Variants in ADAMTSL1 observed in about 807,000 individuals in gnomAD.
ADAMTSL1 encodes the protein ADAMTS-like protein 1.
In ADAMTSL1, 126 loss-of-function variants were observed where a neutral mutation model predicts 201.8. That is an observed-to-expected ratio of 0.62 (90% CI 0.54 to 0.72). The LOEUF (loss-of-function observed/expected upper bound fraction) is 0.72, where lower values mean the gene tolerates loss of function less well. Ranked by LOEUF, ADAMTSL1 falls within the 30% of genes least tolerant of loss-of-function variation. ADAMTSL1 has a pLI of 0.00. For missense variants in ADAMTSL1, 2,679 were observed against 2,277.8 expected (o/e 1.18, Z -3.59); for synonymous variants, 1,121 against 903.4 (o/e 1.24, Z -4.32).
chr9:18,542,382 T>G (rs907192891), intron 3 of ADAMTSL1, among the ~76,000 whole-genome samples: 1 of 152,190 alleles, frequency 6.6e-6, no homozygotes, highest in Non-Finnish European at 1.5e-5. Flanking sequence ...TTACCTGTTA[T>G]GTTTTGAATT....
chr9:18,509,137 T>A (rs1413746643), intron 2 of ADAMTSL1, among the ~76,000 whole-genome samples: 5 of 110,478 alleles, frequency 4.5e-5, no homozygotes, highest in Non-Finnish European at 8.4e-5. Flanking sequence ...TGAGCCGAGA[T>A]TGCGCCACTG....
chr9:18,368,203 C>T (rs975368555), intron 2 of ADAMTSL1, among the ~76,000 whole-genome samples: 1 of 152,188 alleles, frequency 6.6e-6, no homozygotes, highest in Non-Finnish European at 1.5e-5. Context: ...GCGTGAGCCA[C>T]CGCGCCTGGC....
At chr9:18,037,546 T>A (rs939437341) in intron 1 of ADAMTSL1, among the ~76,000 whole-genome samples, 2 of 152,192 alleles carry the variant, frequency 1.3e-5, no homozygotes, top group Admixed American at 1.3e-4. Flanking sequence ...TGTTAATGAT[T>A]GTCAAAGTAT....
intron 4 of ADAMTSL1, among the ~76,000 whole-genome samples, chr9:18,578,902 C>G (rs1283918452): frequency 8.6e-5 from 13 of 150,918 alleles, no homozygotes; most frequent in Admixed American, 8.6e-4. Flanking sequence ...TGTTTCCTGA[C>G]TTTTTAATGA....
At chr9:18,866,210 T>A (rs1827533609) in intron 23 of ADAMTSL1, among the ~76,000 whole-genome samples, 1 of 150,880 alleles carries the variant, frequency 6.6e-6, no homozygotes, top group South Asian at 2.1e-4. Flanking sequence ...GTTTTCTCAT[T>A]AGCAGTGAAA....
intron 3 of ADAMTSL1, among the ~76,000 whole-genome samples, chr9:18,562,056 CT>C (rs1564050220): frequency 6.6e-6 from 1 of 152,128 alleles, no homozygotes; most frequent in East Asian, 1.9e-4. Flanking sequence ...GAATCTGATC[CT>C]GTCATTATGA....
At chr9:18,844,020 C>T (rs1169023189) in intron 23 of ADAMTSL1, among the ~76,000 whole-genome samples, 4 of 152,232 alleles carry the variant, frequency 2.6e-5, no homozygotes, top group Admixed American at 2.6e-4. Flanking sequence ...CGTCTGAAGA[C>T]TTCTTCTCTC....
At chr9:18,320,348 A>C (rs1458373769) in intron 2 of ADAMTSL1, among the ~76,000 whole-genome samples, 2 of 152,244 alleles carry the variant, frequency 1.3e-5, no homozygotes, top group Non-Finnish European at 2.9e-5. Flanking sequence ...ATGCTGAAGA[A>C]AATGCATCAA....
chr9:18,055,192 C>CT (rs1177847578), intron 1 of ADAMTSL1, among the ~76,000 whole-genome samples: 1 of 152,170 alleles, frequency 6.6e-6, no homozygotes, highest in Non-Finnish European at 1.5e-5. Context: ...TAACAGTGCT[C>CT]TTTTTTAGCA....
chr9:18,670,996 A>G (rs913316689), intron 9 of ADAMTSL1, among the ~76,000 whole-genome samples: 3 of 152,136 alleles, frequency 2.0e-5, no homozygotes, highest in Non-Finnish European at 2.9e-5. Context: ...GATTATGTAT[A>G]ATACCTTATA....
intron 1 of ADAMTSL1, among the ~76,000 whole-genome samples, chr9:17,955,771 T>G (rs1309076265): frequency 6.6e-6 from 1 of 152,218 alleles, no homozygotes; most frequent in Non-Finnish European, 1.5e-5. Flanking sequence ...TTACTGTATC[T>G]AATTTATAAA....
chr9:18,635,900 G>A (rs763353958), intron 5 of ADAMTSL1, 43 bp from the exon 6 acceptor site: 4 of 1,542,134 alleles, frequency 2.6e-6, no homozygotes, highest in Non-Finnish European at 3.5e-6. Flanking sequence ...ATAATTTTGT[G>A]TCAAGTGACA....
intron 20 of ADAMTSL1, among the ~76,000 whole-genome samples, chr9:18,800,377 CAAAAAAAAAAAAAAAA>C (rs58346548): frequency 1.2e-4 from 7 of 60,674 alleles, no homozygotes; most frequent in South Asian, 8.2e-4. Flanking sequence ...AACTCCATCT[CAAAAAAAAAAAAAAAA>C]AAAAAAAAAA....
chr9:18,333,195 C>A (rs1347633436), intron 2 of ADAMTSL1, among the ~76,000 whole-genome samples: 1 of 152,104 alleles, frequency 6.6e-6, no homozygotes, highest in African/African-American at 2.4e-5. Flanking sequence ...TATGGTTTGG[C>A]TGTGTCCCCA....
chr9:18,407,339 C>T (rs1175835126), intron 2 of ADAMTSL1, among the ~76,000 whole-genome samples: 4 of 152,108 alleles, frequency 2.6e-5, no homozygotes, highest in Admixed American at 2.0e-4. Flanking sequence ...CATGAGGGAA[C>T]ATGGTACATT....
chr9:18,230,836 A>T (rs1830621590), intron 2 of ADAMTSL1, among the ~76,000 whole-genome samples: 1 of 152,214 alleles, frequency 6.6e-6, no homozygotes, highest in Admixed American at 6.5e-5. Flanking sequence ...AATTACATCC[A>T]TTCTTCTGCA....
chr9:18,496,543 C>T (rs1822544974), intron 1 of ADAMTSL1, among the ~76,000 whole-genome samples: 1 of 152,126 alleles, frequency 6.6e-6, no homozygotes, highest in Non-Finnish European at 1.5e-5. Context: ...AAAGTTCTAC[C>T]AAAACCAAAA....
At chr9:18,864,719 T>C (rs1042173313) in intron 23 of ADAMTSL1, among the ~76,000 whole-genome samples, 2 of 152,138 alleles carry the variant, frequency 1.3e-5, no homozygotes, top group African/African-American at 4.8e-5. Context: ...CAGAAGCCAA[T>C]GTAAAATCAA....
intron 4 of ADAMTSL1, among the ~76,000 whole-genome samples, chr9:18,582,253 G>A (rs1293306489): frequency 1.3e-5 from 2 of 152,028 alleles, no homozygotes; most frequent in Admixed American, 1.3e-4. Flanking sequence ...GTACCTTTTT[G>A]TTTAACAGTT....
Sources: allele counts gnomAD v4.1 joint callset (sites outside exome capture counted in the v4.1 genomes callset), GRCh38; gene constraint gnomAD v4.1.1; transcripts MANE v1.5; gene names NCBI Gene and HGNC (gene_info 2026-07-23, HGNC 2026-07-21).